Variants in ATG13 observed in about 807,000 individuals in gnomAD.
ATG13 encodes the protein autophagy-related protein 13.
A neutral mutation model predicts 65.5 loss-of-function variants in ATG13; 23 were observed. The ratio of observed to expected loss-of-function variants is 0.35; its 90% confidence interval spans 0.25 to 0.50. The LOEUF (loss-of-function observed/expected upper bound fraction) is 0.50. Among genes scored for constraint, ATG13 ranks in the 20% least tolerant of loss-of-function variants. ATG13 has a pLI of 0.98. For synonymous variants in ATG13, 252 were observed against 245.2 expected, an observed-to-expected ratio of 1.03 and a Z score of -0.26; for missense variants, 566 against 677.0, an observed-to-expected ratio of 0.84 and a Z score of 1.82.
chr11:46,657,477 T>C (rs541823146), intron 9 of ATG13, 47 bp from the exon 10 acceptor site: 4 of 1,570,080 alleles, frequency 2.5e-6, no homozygotes, highest in South Asian at 1.1e-5. Flanking sequence ...TTGTGGGGGC[T>C]GGAAAGGCAT....
chr11:46,642,239 T>C (rs542178269), intron 2 of ATG13, among the ~76,000 whole-genome samples: 1 of 152,022 alleles, frequency 6.6e-6, no homozygotes, highest in Non-Finnish European at 1.5e-5. Context: ...TGCTACTCCT[T>C]TGTCCTGTTT....
rs1429432002 is a variant in ATG13 at position 46,674,250 on chromosome 11, A to T, written c.*1918A>T. 2.0e-5 allele frequency: 3 copies of T among 152,250 alleles called. No individual in the cohort carries two copies. Among genetic ancestry groups the T allele is most frequent in the African/African-American group, 7.2e-5 (3 of 41,418 alleles). 9.4% of individuals were successfully genotyped at this position (152,250 alleles called of 1,614,324 possible). The stretch of plus-strand genomic sequence containing the variant: ...GCCTTTCACCAGGGCTCCATCTGTG[A>T]AGAGTCTCAGCCATGACTTTGAGCT... On this transcript the variant is annotated 3_prime_UTR_variant, in exon 19 of 19. Transcript: ENST00000683050.
intron 2 of ATG13, chr11:46,630,895 A>T (rs542755574): frequency 7.9e-5 from 12 of 151,922 alleles, no homozygotes; most frequent in African/African-American, 2.9e-4. Context: ...TATTTTTTGT[A>T]GAGACAGAAT....
Position 46,644,336 on chromosome 11 carries a change from G to C in ATG13, c.45G>C (p.Lys15Asn). The C allele has an allele frequency of 6.2e-7, 1 of 1,610,866 alleles. No homozygotes were observed. The highest frequency in any genetic ancestry group is 8.5e-7 in the Non-Finnish European group (1 of 1,179,162). The change falls in exon 3 of 19, where the codon AAG becomes AAC. Residue 15 changes from lysine (K) to asparagine (N), a missense_variant. By Grantham distance (94) the Lys-to-Asn change is moderately conservative (BLOSUM62 0). Transcript: ENST00000683050. ...LNSQDRKDLD[K>N]FIKFFALKTV... Reference sequence around the variant, plus strand: ...CCCAGGACAGAAAGGACCTGGACAAGTTTATTAAATTTTTTGCCCTCAAGG... The same window carrying C: ...CCCAGGACAGAAAGGACCTGGACAACTTTATTAAATTTTTTGCCCTCAAGG...
At chr11:46,620,869 A>G (rs772585810) in intron 1 of ATG13, among the ~76,000 whole-genome samples, 4 of 152,246 alleles carry the variant, frequency 2.6e-5, no homozygotes, top group Non-Finnish European at 5.9e-5. Flanking sequence ...CATAGAAGTC[A>G]TAACTTATAG....
In ATG13 at chr11:46,653,868, G is replaced by A. The variant is rs377513063; in HGVS notation, c.459-2365G>A. Among the ~76,000 whole-genome samples, 188 of 151,872 alleles carry A rather than the reference G, an allele frequency of 1.2e-3. 1 individual carries two copies. In the Middle Eastern group the frequency reaches 0.014, roughly 11 times the overall value. On this transcript the variant is annotated intron_variant, in intron 7 of 18. Coordinates refer to ENST00000683050, the MANE Select transcript of ATG13 (RefSeq NM_001346311.2). ...ACAGGCGTGAGCCACCGCGCCTGGC[G>A]AAGCTTCTTCATACATTGTTGGAGC...
At chr11:46,656,339 G>A (rs945895447) in intron 8 of ATG13, 66 bp downstream of exon 8, 69 of 1,437,456 alleles carry the variant, frequency 4.8e-5, no homozygotes, top group Middle Eastern at 1.8e-4. Flanking sequence ...GATGATCTTC[G>A]TTTCTACTTG....
At chr11:46,627,662 A>T (rs1052153885) in intron 1 of ATG13, among the ~76,000 whole-genome samples, 3 of 152,032 alleles carry the variant, frequency 2.0e-5, no homozygotes, top group African/African-American at 4.8e-5. Flanking sequence ...TATTTTTAAT[A>T]GAGATGGGGT....
At chr11:46,662,144 A>G (rs2061350356) in intron 11 of ATG13, among the ~76,000 whole-genome samples, 1 of 152,074 alleles carries the variant, frequency 6.6e-6, no homozygotes, top group African/African-American at 2.4e-5. Context: ...CTTTCTTCCT[A>G]GTGCACATTA....
chr11:46,644,877 T>A (rs563556898), intron 3 of ATG13, among the ~76,000 whole-genome samples: 1 of 152,340 alleles, frequency 6.6e-6, no homozygotes, highest in African/African-American at 2.4e-5. Flanking sequence ...GAACAATCCA[T>A]GTAGTTGATT....
At chr11:46,665,104 G>A in intron 13 of ATG13, 145 bp downstream of exon 13, 3 of 906,022 alleles carry the variant, frequency 3.3e-6, no homozygotes, top group Admixed American at 2.7e-5. Context: ...GAGACCAAAA[G>A]TGACTCGAGA....
At chr11:46,670,456 G>A (rs1041558368) in intron 18 of ATG13, among the ~76,000 whole-genome samples, 9 of 149,754 alleles carry the variant, frequency 6.0e-5, no homozygotes, top group Admixed American at 1.3e-4. Context: ...ACTCCAACCC[G>A]GGTGACAGAG....
Position 46,665,469 on chromosome 11 carries a change from A to C in ATG13, c.1086A>C (p.Ala362=). Residue 362 remains alanine (A), a synonymous_variant, in exon 14 of 19, where the codon GCA becomes GCC. Transcript: ENST00000683050. ...CCCAGGCTGACCAGGAGAGACTGGC[A>C]ACCTGCACCCCTTCTGACAGAACCC... is the stretch of plus-strand genomic sequence containing the variant. ...HGTQADQERL[A]TCTPSDRTHC... 1.2e-6 allele frequency: 2 copies of C among 1,614,202 alleles called. No individual in the cohort carries two copies. The highest frequency in any genetic ancestry group is 2.2e-5 in the South Asian group (2 of 91,082).
At chr11:46,668,345 T>C (rs545219303) in intron 15 of ATG13, among the ~76,000 whole-genome samples, 154 bp from the exon 16 acceptor site, 2 of 152,270 alleles carry the variant, frequency 1.3e-5, no homozygotes, top group Middle Eastern at 3.4e-3. Context: ...GTGAGCGAGC[T>C]TGGAGAGCCT....
chr11:46,626,601 G>A (rs1427898584), intron 1 of ATG13, among the ~76,000 whole-genome samples: 5 of 152,130 alleles, frequency 3.3e-5, no homozygotes, highest in Non-Finnish European at 7.4e-5. Context: ...TGATGACTTT[G>A]TTAAGATTGT....
intron 2 of ATG13, among the ~76,000 whole-genome samples, chr11:46,631,445 T>G (rs1017528096): frequency 6.6e-6 from 1 of 152,254 alleles, no homozygotes; most frequent in Non-Finnish European, 1.5e-5. Flanking sequence ...TTTCCATTCG[T>G]TCATTATTAT....
intron 18 of ATG13, 129 bp downstream of exon 18, chr11:46,669,661 T>A: frequency 8.4e-7 from 1 of 1,190,804 alleles, no homozygotes; most frequent in Non-Finnish European, 1.2e-6. Flanking sequence ...AAAATTATCT[T>A]TTGATCACTC....
At chr11:46,617,986 A>G (rs2045854686) in intron 1 of ATG13, 96 bp downstream of exon 1, 2 of 398,536 alleles carry the variant, frequency 5.0e-6, no homozygotes, top group African/African-American at 2.1e-5. Flanking sequence ...TCGTGGAAGT[A>G]GAAGGGATTA....
intron 7 of ATG13, among the ~76,000 whole-genome samples, chr11:46,654,809 G>A (rs767963631): frequency 4.6e-5 from 7 of 151,362 alleles, no homozygotes; most frequent in Non-Finnish European, 7.4e-5. Flanking sequence ...TAAAAAACCC[G>A]AAAAACAGGC....
Sources: gnomAD v4.1 joint callset for allele counts (sites outside exome capture counted in the v4.1 genomes callset) on GRCh38, gnomAD v4.1.1 for gene constraint, MANE v1.5 for transcripts, NCBI Gene and HGNC (gene_info 2026-07-23, HGNC 2026-07-21) for gene names.